Variants in ADAMTS16 observed in about 807,000 individuals in gnomAD.
The protein encoded by ADAMTS16 is A disintegrin and metalloproteinase with thrombospondin motifs 16.
ADAMTS16 carries 94 observed loss-of-function variants against 145.8 expected under a neutral mutation model. The ratio of observed to expected loss-of-function variants is 0.64; its 90% CI spans 0.55 to 0.77. The LOEUF is 0.77. Among genes scored for constraint, ADAMTS16 ranks in the 30% least tolerant of loss-of-function variants. The probability of loss-of-function intolerance (pLI) is 0.00; values close to 1 mark genes in which losing one functional copy is unlikely to be tolerated. For synonymous variants in ADAMTS16, 659 were observed against 604.3 expected, an observed-to-expected ratio of 1.09 and a Z score of -1.33; for missense variants, 1,585 against 1,591.5, an observed-to-expected ratio of 1.00 and a Z score of 0.07.
At chr5:5,236,877 GAAGA>G in intron 13 of ADAMTS16, 88 bp from the exon 14 acceptor site, 1 of 1,453,358 alleles carries the variant, frequency 6.9e-7, no homozygotes, top group Non-Finnish European at 9.1e-7. Flanking sequence ...TTTTATGGGG[GAAGA>G]AAGAAAGTCT....
In ADAMTS16 at chr5:5,187,792, T is replaced by G; in HGVS notation, c.1031T>G (p.Leu344Arg). The G allele has an allele frequency of 1.1e-5, 18 of 1,604,958 alleles. No homozygotes were observed. The highest frequency in any genetic ancestry group is 1.5e-5 in the Non-Finnish European group (17 of 1,171,794). Residue 344 changes from leucine (L) to arginine (R), a missense_variant, in exon 6 of 23, where the codon CTT (leucine) becomes CGT (arginine). By Grantham distance (102) the Leu-to-Arg change is moderately radical. Around this residue, in one of 3 missense-constraint regions of ADAMTS16, gnomAD observed 298 missense variants for 367.6 expected, o/e 0.81. Transcript: ENST00000274181. ...NINIAIVGLI[L>R]LEDEQPGLVI... ...AACATTGCAATTGTAGGTCTGATTC[T>G]TCTAGAAGATGAACAGGTAGTTTAT...
intron 3 of ADAMTS16, among the ~76,000 whole-genome samples, chr5:5,153,000 T>C (rs1451913879): frequency 1.3e-5 from 2 of 152,224 alleles, no homozygotes; most frequent in Admixed American, 6.5e-5. Flanking sequence ...ATCCCAAAGC[T>C]AATTCTTCAA....
intron 9 of ADAMTS16, among the ~76,000 whole-genome samples, chr5:5,206,226 A>G (rs1011527386): frequency 5.3e-5 from 8 of 150,392 alleles, no homozygotes; most frequent in African/African-American, 2.0e-4. Flanking sequence ...GGAGATCGAG[A>G]CCATCCCGGC....
At chr5:5,185,832 G>A (rs927750519) in intron 4 of ADAMTS16, among the ~76,000 whole-genome samples, 2 of 152,152 alleles carry the variant, frequency 1.3e-5, no homozygotes, top group African/African-American at 4.8e-5. Context: ...TATATAAAGG[G>A]AAATACAGCC....
intron 18 of ADAMTS16, among the ~76,000 whole-genome samples, chr5:5,271,335 CA>C (rs1738465984): frequency 6.6e-6 from 1 of 152,234 alleles, no homozygotes; most frequent in Admixed American, 6.5e-5. Flanking sequence ...AAATAACAGG[CA>C]TCAGCAATTC....
At chr5:5,256,058 T>G (rs1454095034) in intron 17 of ADAMTS16, among the ~76,000 whole-genome samples, 1 of 152,248 alleles carries the variant, frequency 6.6e-6, no homozygotes, top group Non-Finnish European at 1.5e-5. Context: ...TTTTGCTCTA[T>G]TTCTGTTAAT....
intron 10 of ADAMTS16, among the ~76,000 whole-genome samples, chr5:5,214,010 T>A (rs1189234559): frequency 1.3e-5 from 2 of 152,234 alleles, no homozygotes; most frequent in Non-Finnish European, 2.9e-5. Context: ...CATCCTCCAG[T>A]CAGTGAGACT....
chr5:5,275,752 C>T (rs970020516), intron 18 of ADAMTS16, among the ~76,000 whole-genome samples: 23 of 152,020 alleles, frequency 1.5e-4, no homozygotes, highest in African/African-American at 5.1e-4. Flanking sequence ...TTTTTTGACT[C>T]GGCTTACATT....
chr5:5,203,987 C>T (rs1343476491), intron 9 of ADAMTS16, among the ~76,000 whole-genome samples: 1 of 152,152 alleles, frequency 6.6e-6, no homozygotes, highest in African/African-American at 2.4e-5. Flanking sequence ...TCACACACTG[C>T]TCTGTGATAC....
At chr5:5,229,478 G>A (rs138070156) in intron 11 of ADAMTS16, among the ~76,000 whole-genome samples, 91 of 152,208 alleles carry the variant, frequency 6.0e-4, no homozygotes, top group African/African-American at 1.8e-3. Flanking sequence ...AACTGCTGGC[G>A]TGTATACCCT....
At chr5:5,190,639 A>G (rs1406561041) in intron 7 of ADAMTS16, among the ~76,000 whole-genome samples, 1 of 152,240 alleles carries the variant, frequency 6.6e-6, no homozygotes, top group Non-Finnish European at 1.5e-5. Flanking sequence ...ACACTGTGCT[A>G]CTGACCAGGA....
At chr5:5,168,909 A>G (rs1734971937) in intron 3 of ADAMTS16, among the ~76,000 whole-genome samples, 1 of 151,080 alleles carries the variant, frequency 6.6e-6, no homozygotes, top group Non-Finnish European at 1.5e-5. Context: ...AACACATTGA[A>G]TCTGGGATAG....
At chr5:5,215,778 A>ATGTATG (rs1560952563) in intron 10 of ADAMTS16, among the ~76,000 whole-genome samples, 68 of 119,594 alleles carry the variant, frequency 5.7e-4, no homozygotes, top group African/African-American at 2.3e-3. Flanking sequence ...GTATATATAT[A>ATGTATG]TGGTATATAT....
chr5:5,213,622 G>A (rs928483743), intron 10 of ADAMTS16, among the ~76,000 whole-genome samples: 2 of 152,066 alleles, frequency 1.3e-5, no homozygotes, highest in Admixed American at 6.5e-5. Flanking sequence ...AGGGCTCATC[G>A]CTTTCAGTTT....
At chr5:5,261,401 G>C (rs141751514) in intron 17 of ADAMTS16, among the ~76,000 whole-genome samples, 1 of 151,952 alleles carries the variant, frequency 6.6e-6, no homozygotes, top group African/African-American at 2.4e-5. Flanking sequence ...GCCTGTCAAC[G>C]TGCTGGGATT....
At chr5:5,153,310 G>T (rs1734521208) in intron 3 of ADAMTS16, among the ~76,000 whole-genome samples, 1 of 152,098 alleles carries the variant, frequency 6.6e-6, no homozygotes, top group Non-Finnish European at 1.5e-5. Context: ...TTATTTACAG[G>T]TTTTTTAATA....
chr5:5,143,187 A>C lies in ADAMTS16; in HGVS notation c.175+2421A>C, dbSNP rs1424203003. ...AAAAGAAACTATCATCAGAGTGAACAGGCAACCTAGAGAATGAGAGAAAAT... is the reference window on the plus strand; with the variant it reads ...AAAAGAAACTATCATCAGAGTGAACCGGCAACCTAGAGAATGAGAGAAAAT... On this transcript the variant is annotated intron_variant, in intron 2 of 22. Coordinates refer to ENST00000274181, the MANE Select transcript of ADAMTS16 (RefSeq NM_139056.4). 7.2e-5 allele frequency among the ~76,000 whole-genome samples: 11 copies of C among 152,374 alleles called. No homozygotes were observed. The East Asian group carries it at 2.1e-3, about 29-fold the overall frequency.
At chr5:5,304,104 G>C (rs1363580750) in intron 20 of ADAMTS16, among the ~76,000 whole-genome samples, 1 of 152,128 alleles carries the variant, frequency 6.6e-6, no homozygotes, top group Non-Finnish European at 1.5e-5. Context: ...CTAACTCCTG[G>C]GCAGGTGTAG....
Position 5,146,110 on chromosome 5 carries a change from G to T in ADAMTS16, c.176-20G>T, listed in dbSNP as rs1871468. 4.4e-6 allele frequency: 7 copies of T among 1,603,288 alleles called. No individual in the cohort carries two copies. In the Admixed American group the frequency reaches 1.2e-4, roughly 27 times the overall value. Reference sequence around the variant, plus strand: ...GGAATTCCGAAATGACTCAGCCTCTGCTCACTCTTTTGATTTCAGAATATG... The same window carrying T: ...GGAATTCCGAAATGACTCAGCCTCTTCTCACTCTTTTGATTTCAGAATATG... On this transcript the variant is annotated intron_variant, in intron 2 of 22. Transcript: ENST00000274181.
Sources: allele counts gnomAD v4.1 joint callset (sites outside exome capture counted in the v4.1 genomes callset), GRCh38; gene constraint gnomAD v4.1.1; regional missense constraint gnomAD v4.1.1; transcripts MANE v1.5; gene names NCBI Gene and HGNC (gene_info 2026-07-23, HGNC 2026-07-21).